NECTIN2: variants seen among roughly 807,000 people sequenced by gnomAD.
NECTIN2 encodes nectin cell adhesion molecule 2.
In NECTIN2, 23 loss-of-function variants were observed where a neutral mutation model predicts 56.9. The ratio of observed to expected loss-of-function variants is 0.40; its 90% CI spans 0.29 to 0.57. The LOEUF (loss-of-function observed/expected upper bound fraction) is 0.57, where lower values mean the gene tolerates loss of function less well. NECTIN2 is among the 20% of genes least tolerant of loss of function. The probability of loss-of-function intolerance (pLI) is 0.38; values close to 1 mark genes in which losing one functional copy is unlikely to be tolerated. For synonymous variants in NECTIN2, 302 were observed against 313.8 expected, an observed-to-expected ratio of 0.96 and a Z score of 0.40; for missense variants, 587 against 718.3, an observed-to-expected ratio of 0.82 and a Z score of 2.09.
At chr19:44,857,828 G>A (rs1474262886) in intron 1 of NECTIN2, among the ~76,000 whole-genome samples, 1 of 151,644 alleles carries the variant, frequency 6.6e-6, no homozygotes, top group Non-Finnish European at 1.5e-5. Flanking sequence ...TTACAGGCAT[G>A]AGCCAACGCA....
chr19:44,863,019 G>A (rs550336376), intron 1 of NECTIN2, among the ~76,000 whole-genome samples: 18 of 144,584 alleles, frequency 1.2e-4, no homozygotes, highest in South Asian at 4.4e-4. Flanking sequence ...AAAATTAGCC[G>A]GGCATGGTAG....
chr19:44,870,995 G>A (rs1361121853), intron 2 of NECTIN2, among the ~76,000 whole-genome samples: 1 of 152,148 alleles, frequency 6.6e-6, no homozygotes. Context: ...CTCCCAAAGT[G>A]CTGGGATTAC....
intron 2 of NECTIN2, among the ~76,000 whole-genome samples, chr19:44,871,338 G>C (rs981475123): frequency 6.6e-6 from 1 of 152,084 alleles, no homozygotes; most frequent in African/African-American, 2.4e-5. Flanking sequence ...ATCAGCCTGG[G>C]CAACATAGCA....
intron 5 of NECTIN2, among the ~76,000 whole-genome samples, chr19:44,880,858 C>T (rs1238162370): frequency 6.6e-6 from 1 of 151,486 alleles, no homozygotes; most frequent in Non-Finnish European, 1.5e-5. Context: ...CGGCAACCTC[C>T]GCTTCCCAGG....
At chr19:44,861,695 G>A (rs1399356545) in intron 1 of NECTIN2, among the ~76,000 whole-genome samples, 6 of 152,034 alleles carry the variant, frequency 3.9e-5, no homozygotes, top group South Asian at 2.1e-4. Flanking sequence ...CAAAGGACAC[G>A]AACAGACACT....
In NECTIN2 at chr19:44,863,558, TATA is replaced by T. The variant is rs771530021; in HGVS notation, c.89-1707_89-1705del. Among the ~76,000 whole-genome samples, 405 of 152,094 alleles carry T rather than the reference TATA, an allele frequency of 2.7e-3. 1 individual carries two copies. The highest frequency in any genetic ancestry group is 3.8e-3 in the Non-Finnish European group (259 of 67,982). ...AACTGGCACTTGCACCTGCTAAAAA[TATA>T]ATAATTTTAAAATTTTTATTTTAAT... On this transcript the variant is annotated intron_variant, in intron 1 of 8. Transcript: ENST00000252483.
intron 1 of NECTIN2, among the ~76,000 whole-genome samples, chr19:44,861,770 G>A (rs905244576): frequency 1.3e-5 from 2 of 152,170 alleles, no homozygotes; most frequent in African/African-American, 4.8e-5. Context: ...ACTGATCGTT[G>A]AGAAATGCAA....
In NECTIN2 at chr19:44,874,416, T is replaced by TCGTC; in HGVS notation, c.981_984dup (p.Cys329ArgfsTer14). 1 of 1,614,012 alleles carries TCGTC rather than the reference T, an allele frequency of 6.2e-7. No homozygotes were observed. The highest frequency in any genetic ancestry group is 8.5e-7 in the Non-Finnish European group (1 of 1,180,014). On this transcript the variant is annotated frameshift_variant, in exon 5 of 9. Transcript: ENST00000252483. LOFTEE classifies it high-confidence loss of function. The surrounding 1 kb of genome is among the most constrained non-coding windows in gnomAD (Gnocchi z 6.3). The stretch of plus-strand genomic sequence containing the variant: ...GTGGACAGTCTGTTCAATACCACCT[T>TCGTC]CGTCTGCACAGTCACCAATGCCGTG...
In NECTIN2 at chr19:44,882,254, C is replaced by CG; in HGVS notation, c.1091dup (p.Ile365HisfsTer77). Reference sequence around the variant, plus strand: ...GCGCAGGGGCCACAGGCGGCATCATCGGGGGCATCATCGCCGCCATCATTG... The same window carrying CG: ...GCGCAGGGGCCACAGGCGGCATCATCGGGGGGCATCATCGCCGCCATCATTG... On this transcript the variant is annotated frameshift_variant, in exon 6 of 9. Transcript: ENST00000252483. LOFTEE classifies it high-confidence loss of function. 1 of 1,551,864 alleles carries CG rather than the reference C, an allele frequency of 6.4e-7. No individual in the cohort carries two copies. Among genetic ancestry groups the CG allele is most frequent in the Non-Finnish European group, 8.7e-7 (1 of 1,147,774 alleles).
intron 1 of NECTIN2, among the ~76,000 whole-genome samples, chr19:44,849,353 G>A (rs1285428154): frequency 1.3e-5 from 2 of 152,130 alleles, no homozygotes; most frequent in Non-Finnish European, 2.9e-5. Flanking sequence ...CAGGCAGGGA[G>A]CCCCAAAGAC....
chr19:44,885,808 T>C lies in NECTIN2; in HGVS notation c.1197-129T>C, dbSNP rs1301879890. ...GAATTCATGGAATGAATAAAAACTC[T>C]TACTCCAGGCAAGAAAAGGGGGCAG... is the stretch of plus-strand genomic sequence containing the variant. On this transcript the variant is annotated intron_variant, in intron 6 of 8. Coordinates refer to ENST00000252483, the MANE Select transcript of NECTIN2 (RefSeq NM_001042724.2). 1.6e-5 allele frequency: 12 copies of C among 758,312 alleles called. No individual in the cohort carries two copies. In the African/African-American group the frequency reaches 2.1e-4, roughly 13 times the overall value. 47.0% of individuals were successfully genotyped at this position (758,312 alleles called of 1,614,324 possible).
At chr19:44,872,286 T>G (rs1366642056) in intron 3 of NECTIN2, 137 bp downstream of exon 3, 3 of 893,380 alleles carry the variant, frequency 3.4e-6, no homozygotes, top group Non-Finnish European at 5.1e-6. Context: ...CCTGCCATTG[T>G]CTACACTGGC....
chr19:44,878,964 A>C, intron 5 of NECTIN2: 1 of 1,013,586 alleles, frequency 9.9e-7, no homozygotes, highest in Non-Finnish European at 1.2e-6. Context: ...AATACATCAG[A>C]CCCCCTCCTT....
At chr19:44,863,153 G>A (rs403729) in intron 1 of NECTIN2, among the ~76,000 whole-genome samples, 1 of 151,388 alleles carries the variant, frequency 6.6e-6, no homozygotes, top group South Asian at 2.1e-4. Flanking sequence ...CAGTGCGAGA[G>A]TCTGTCTCAA....
At chr19:44,876,734 G>A (rs1568597299) in intron 5 of NECTIN2, among the ~76,000 whole-genome samples, 1 of 152,036 alleles carries the variant, frequency 6.6e-6, no homozygotes, top group Non-Finnish European at 1.5e-5. Flanking sequence ...CTATCTTTAG[G>A]GAGACTCAGA....
At chr19:44,859,435 A>T (rs1969006753) in intron 1 of NECTIN2, among the ~76,000 whole-genome samples, 1 of 152,188 alleles carries the variant, frequency 6.6e-6, no homozygotes, top group Non-Finnish European at 1.5e-5. Context: ...CAGAGCCAGG[A>T]TTCAAACCCA....
chr19:44,886,107 A>C (rs911696026), intron 7 of NECTIN2, 26 bp from the exon 8 acceptor site: 2 of 1,589,906 alleles, frequency 1.3e-6, no homozygotes, highest in Non-Finnish European at 1.7e-6. Context: ...GCAGTTCCTG[A>C]CCTCCCCGCC....
rs1455354593 is a variant in NECTIN2 at position 44,875,110 on chromosome 19, A to C, written c.1042+632A>C. Among the ~76,000 whole-genome samples, 1 of 152,172 alleles carries C rather than the reference A, an allele frequency of 6.6e-6. No individual in the cohort carries two copies. On this transcript the variant is annotated intron_variant, in intron 5 of 8. Coordinates refer to ENST00000252483, the MANE Select transcript of NECTIN2 (RefSeq NM_001042724.2). The surrounding 1 kb of genome is among the most constrained non-coding windows in gnomAD (Gnocchi z 4.2). The stretch of plus-strand genomic sequence containing the variant: ...ACAGCCACAGACACTCCCTGTGCTG[A>C]GAAATTCTGTTGCAGAGATGCATCA...
rs3729640 is a variant in NECTIN2 at position 44,878,660 on chromosome 19, C to G, written c.1043-3551C>G. Reference sequence around the variant, plus strand: ...GAGACAGAGCCAGGCCCGGCCCTCCCGCCCCCGACCTGACCACGCCGGCCT... The same window carrying G: ...GAGACAGAGCCAGGCCCGGCCCTCCGGCCCCCGACCTGACCACGCCGGCCT... On this transcript the variant is annotated intron_variant, in intron 5 of 8. Coordinates refer to ENST00000252483, the MANE Select transcript of NECTIN2 (RefSeq NM_001042724.2). 5.2e-6 allele frequency: 8 copies of G among 1,548,232 alleles called. No individual in the cohort carries two copies. In the Admixed American group the frequency reaches 1.1e-4, roughly 22 times the overall value.
Sources: allele counts gnomAD v4.1 joint callset (sites outside exome capture counted in the v4.1 genomes callset), GRCh38; gene constraint gnomAD v4.1.1; non-coding constraint Gnocchi (gnomAD v3.1); transcripts MANE v1.5; gene names NCBI Gene and HGNC (gene_info 2026-07-23, HGNC 2026-07-21).